Variants in SPRED1 observed in about 807,000 individuals in gnomAD.
SPRED1 encodes sprouty related EVH1 domain containing 1.
SPRED1 carries 18 observed loss-of-function variants against 52.3 expected under a neutral mutation model. The observed-to-expected ratio is 0.34, with a 90% confidence interval of 0.24 to 0.51. SPRED1 has a LOEUF of 0.51. SPRED1 is among the 20% of genes least tolerant of loss of function. The probability of loss-of-function intolerance (pLI) is 0.97; values close to 1 mark genes in which losing one functional copy is unlikely to be tolerated. For synonymous variants in SPRED1, 155 were observed against 179.7 expected, an observed-to-expected ratio of 0.86 and a Z score of 1.10; for missense variants, 485 against 551.0, an observed-to-expected ratio of 0.88 and a Z score of 1.20.
intron 1 of SPRED1, among the ~76,000 whole-genome samples, chr15:38,297,059 T>C (rs1015140071): frequency 1.3e-5 from 2 of 152,124 alleles, no homozygotes; most frequent in African/African-American, 4.8e-5. Flanking sequence ...TTCCAGACAA[T>C]GAACCTACTG....
In SPRED1 at chr15:38,339,898, A is replaced by C; in HGVS notation, c.582+3A>C. 6.2e-7 allele frequency: 1 copy of C among 1,613,822 alleles called. No individual in the cohort carries two copies. The highest frequency in any genetic ancestry group is 1.7e-4 in the Middle Eastern group (1 of 6,052). ...ACATGCAAAGCCAAGCCAATCAGGT[A>C]AGAAGATAAAATATTTTTTCGGCGC... On this transcript the variant is annotated splice_donor_region_variant and intron_variant, in intron 5 of 6. Coordinates refer to ENST00000299084, the MANE Select transcript of SPRED1 (RefSeq NM_152594.3).
intron 1 of SPRED1, among the ~76,000 whole-genome samples, chr15:38,296,996 C>T (rs1045191182): frequency 6.6e-6 from 1 of 152,160 alleles, no homozygotes; most frequent in African/African-American, 2.4e-5. Flanking sequence ...TTCCTCCCCT[C>T]CAGAGGTCAC....
At position 38,340,427 on chromosome 15, in the gene SPRED1, A is replaced by G. The variant is rs143602937; in HGVS notation, c.582+532A>G. On this transcript the variant is annotated intron_variant, in intron 5 of 6. Transcript: ENST00000299084. Reference sequence around the variant, plus strand: ...ATTCATTATACATATACATACATATATGTATACATTCAAGCATACATAAGA... The same window carrying G: ...ATTCATTATACATATACATACATATGTGTATACATTCAAGCATACATAAGA... Among the ~76,000 whole-genome samples the G allele has an allele frequency of 5.3e-5, 8 of 152,332 alleles. No individual in the cohort carries two copies. The East Asian group carries it at 1.3e-3, about 26-fold the overall frequency.
intron 4 of SPRED1, among the ~76,000 whole-genome samples, chr15:38,329,288 C>T (rs1254105887): frequency 2.0e-5 from 3 of 152,036 alleles, no homozygotes; most frequent in Non-Finnish European, 2.9e-5. Context: ...TTGAGAAGTA[C>T]GTGACTAAGT....
At chr15:38,342,965 T>TA (rs1896058200) in intron 5 of SPRED1, among the ~76,000 whole-genome samples, 1 of 152,150 alleles carries the variant, frequency 6.6e-6, no homozygotes, top group Non-Finnish European at 1.5e-5. Flanking sequence ...GAAGACTATA[T>TA]ATGTTCTATT....
intron 1 of SPRED1, among the ~76,000 whole-genome samples, chr15:38,288,358 G>A (rs895795454): frequency 2.0e-5 from 3 of 152,158 alleles, no homozygotes; most frequent in Admixed American, 6.6e-5. Context: ...AGTTTGTAGT[G>A]AGCAAGGAAA....
intron 1 of SPRED1, among the ~76,000 whole-genome samples, chr15:38,282,347 A>G (rs1327078681): frequency 2.0e-5 from 3 of 151,036 alleles, no homozygotes; most frequent in African/African-American, 7.3e-5. Flanking sequence ...ACACACATGC[A>G]CACACACAAG....
intron 4 of SPRED1, among the ~76,000 whole-genome samples, chr15:38,330,395 T>C (rs1389510867): frequency 6.6e-6 from 1 of 152,138 alleles, no homozygotes; most frequent in Non-Finnish European, 1.5e-5. Context: ...ATTCAGGGGC[T>C]GGTTTATTCT....
At chr15:38,340,137 C>G (rs979634511) in intron 5 of SPRED1, among the ~76,000 whole-genome samples, 2 of 152,114 alleles carry the variant, frequency 1.3e-5, no homozygotes, top group African/African-American at 4.8e-5. Flanking sequence ...ACATCACAAG[C>G]ATTCTTATTT....
chr15:38,334,050 C>T (rs143526798), intron 4 of SPRED1, among the ~76,000 whole-genome samples: 1 of 151,864 alleles, frequency 6.6e-6, no homozygotes, highest in Non-Finnish European at 1.5e-5. Flanking sequence ...CTGTCTGATA[C>T]ACAGAAAATG....
chr15:38,337,380 A>G (rs1480658673), intron 4 of SPRED1, among the ~76,000 whole-genome samples: 1 of 152,178 alleles, frequency 6.6e-6, no homozygotes, highest in Non-Finnish European at 1.5e-5. Context: ...TTGCATTTTC[A>G]AACAGTCTTT....
chr15:38,278,833 T>TTTTTTG lies in SPRED1; in HGVS notation c.33-20535_33-20534insGTTTTT, dbSNP rs536415785. Among the ~76,000 whole-genome samples the TTTTTTG allele has an allele frequency of 1.0e-3, 153 of 148,450 alleles. 8 individuals are homozygous for TTTTTTG. The East Asian group carries it at 0.022, about 21-fold the overall frequency. On this transcript the variant is annotated intron_variant, in intron 1 of 6. Transcript: ENST00000299084. ...CATTATAACCTAACTACACTGTTTTTTTTTTTTTTTGTGAAATGAAGTCTC... is the reference window on the plus strand; with the variant it reads ...CATTATAACCTAACTACACTGTTTTTTTTTTGTTTTTTTTTTGTGAAATGAAGTCTC...
intron 4 of SPRED1, among the ~76,000 whole-genome samples, chr15:38,333,722 T>G (rs1251270482): frequency 2.0e-5 from 3 of 152,146 alleles, no homozygotes; most frequent in Non-Finnish European, 4.4e-5. Flanking sequence ...CATATGTATA[T>G]CCTGTGACCC....
chr15:38,322,194 T>G (rs1208602371), intron 2 of SPRED1, 47 bp from the exon 3 acceptor site: 2 of 1,557,340 alleles, frequency 1.3e-6, no homozygotes, highest in Non-Finnish European at 1.8e-6. Context: ...CTACATTAGA[T>G]GCATTTGATA....
At chr15:38,332,312 GC>G (rs1299960684) in intron 4 of SPRED1, among the ~76,000 whole-genome samples, 2 of 152,164 alleles carry the variant, frequency 1.3e-5, no homozygotes, top group Non-Finnish European at 2.9e-5. Context: ...GATAGCTCAT[GC>G]CTGTAATCCC....
chr15:38,331,274 T>A (rs975666207), intron 4 of SPRED1, among the ~76,000 whole-genome samples: 1 of 152,152 alleles, frequency 6.6e-6, no homozygotes, highest in African/African-American at 2.4e-5. Flanking sequence ...ATGCTATAGA[T>A]GTAATTTTTT....
chr15:38,329,034 G>C (rs1475716240), intron 4 of SPRED1, among the ~76,000 whole-genome samples: 1 of 152,038 alleles, frequency 6.6e-6, no homozygotes, highest in African/African-American at 2.4e-5. Flanking sequence ...TTTTCTTGTT[G>C]TTGTTGTTTA....
intron 4 of SPRED1, among the ~76,000 whole-genome samples, chr15:38,334,289 A>G (rs534184647): frequency 1.3e-5 from 2 of 152,192 alleles, no homozygotes; most frequent in East Asian, 3.9e-4. Context: ...ACTTCAAGAT[A>G]GGGTTTATCT....
Position 38,349,543 on chromosome 15 carries a change from C to G in SPRED1, c.684+20C>G. On this transcript the variant is annotated intron_variant, in intron 6 of 6. Coordinates refer to ENST00000299084, the MANE Select transcript of SPRED1 (RefSeq NM_152594.3). ...AATAGGGTAAGTAATGTTAGTTTATCTTGTGATATGGAATTTAACTAATTA... is the reference window on the plus strand; with the variant it reads ...AATAGGGTAAGTAATGTTAGTTTATGTTGTGATATGGAATTTAACTAATTA... 1 of 1,512,978 alleles carries G rather than the reference C, an allele frequency of 6.6e-7. No homozygotes were observed. The highest frequency in any genetic ancestry group is 9.1e-7 in the Non-Finnish European group (1 of 1,095,764). The allele number at this position is 1,512,978 out of a possible 1,614,324, so 93.7% of individuals were successfully genotyped here.
Sources: gnomAD v4.1 joint callset for allele counts (sites outside exome capture counted in the v4.1 genomes callset) on GRCh38, gnomAD v4.1.1 for gene constraint, MANE v1.5 for transcripts, NCBI Gene and HGNC (gene_info 2026-07-23, HGNC 2026-07-21) for gene names.